The following SLC39A11 variants were observed in gnomAD, a reference collection of about 807,000 sequenced individuals.
SLC39A11 encodes the protein zinc transporter ZIP11.
Under a neutral mutation model 36.1 loss-of-function variants are expected in SLC39A11, and 33 were observed. The ratio of observed to expected loss-of-function variants is 0.91; its 90% CI spans 0.69 to 1.22. SLC39A11 has a LOEUF of 1.22. Ranked by LOEUF, SLC39A11 falls within the 50% of genes most tolerant of loss-of-function variation. The pLI, the probability that SLC39A11 is intolerant of heterozygous loss-of-function variation, is 0.00. For missense variants in SLC39A11, 432 were observed against 430.3 expected (o/e 1.00, Z -0.03); for synonymous variants, 166 against 170.3 (o/e 0.97, Z 0.20).
chr17:73,089,183 A>G (rs1320840443), intron 1 of SLC39A11, among the ~76,000 whole-genome samples: 1 of 152,042 alleles, frequency 6.6e-6, no homozygotes, highest in Non-Finnish European at 1.5e-5. Context: ...GCCTCCACCA[A>G]AGACAGGTGA....
chr17:72,862,330 G>A (rs898253179), intron 5 of SLC39A11, among the ~76,000 whole-genome samples: 8 of 152,184 alleles, frequency 5.3e-5, no homozygotes, highest in African/African-American at 1.2e-4. Flanking sequence ...CAAGAAAAAC[G>A]TTGGTTCTGA....
chr17:72,776,799 GTGGTT>G (rs1365899354), intron 6 of SLC39A11, among the ~76,000 whole-genome samples: 1 of 152,134 alleles, frequency 6.6e-6, no homozygotes, highest in African/African-American at 2.4e-5. Context: ...TAGAAAAATA[GTGGTT>G]TGGACAGCTG....
Position 73,067,254 on chromosome 17 carries a change from C to T in SLC39A11, c.147+17554G>A, listed in dbSNP as rs372783893. Among the ~76,000 whole-genome samples, 77 of 152,302 alleles carry T rather than the reference C, an allele frequency of 5.1e-4. No homozygotes were observed. In the South Asian group the frequency reaches 0.016, roughly 31 times the overall value. On this transcript the variant is annotated intron_variant, in intron 3 of 9. Transcript: ENST00000255559. ...GTGTCGCAGCATTCCTTGCAGCTAC[C>T]TTAGGTCATATGAATAAGTTGTGGC...
intron 3 of SLC39A11, among the ~76,000 whole-genome samples, chr17:73,051,212 C>A (rs1306482649): frequency 6.6e-6 from 1 of 152,104 alleles, no homozygotes; most frequent in South Asian, 2.1e-4. Flanking sequence ...AGTCACCCGG[C>A]CACCCTCACC....
At chr17:72,846,018 C>CTCT (rs2079035587) in intron 6 of SLC39A11, among the ~76,000 whole-genome samples, 1 of 57,952 alleles carries the variant, frequency 1.7e-5, no homozygotes, top group African/African-American at 8.5e-5. Context: ...CTCTCTCTCT[C>CTCT]TTTTTTTTTT....
At chr17:72,915,034 T>A (rs2083254930) in intron 5 of SLC39A11, among the ~76,000 whole-genome samples, 1 of 152,176 alleles carries the variant, frequency 6.6e-6, no homozygotes, top group Non-Finnish European at 1.5e-5. Context: ...TTCTTTTTAT[T>A]CATGGATGTT....
At chr17:72,760,717 G>A (rs773385155) in intron 6 of SLC39A11, among the ~76,000 whole-genome samples, 1 of 152,154 alleles carries the variant, frequency 6.6e-6, no homozygotes, top group Non-Finnish European at 1.5e-5. Flanking sequence ...AGATATTCAC[G>A]ACCAAGGAAG....
chr17:72,679,931 A>C (rs1415826145), intron 7 of SLC39A11, among the ~76,000 whole-genome samples: 2 of 150,864 alleles, frequency 1.3e-5, no homozygotes, highest in Non-Finnish European at 2.9e-5. Flanking sequence ...AGTCCCAGCT[A>C]CTTGGGAGGC....
intron 5 of SLC39A11, among the ~76,000 whole-genome samples, chr17:72,938,136 T>C (rs2147552706): frequency 6.6e-6 from 1 of 152,314 alleles, no homozygotes; most frequent in African/African-American, 2.4e-5. Context: ...AGCTATTTTC[T>C]TTCTCTGGAC....
chr17:72,905,769 T>C (rs1421007177), intron 5 of SLC39A11, among the ~76,000 whole-genome samples: 1 of 151,932 alleles, frequency 6.6e-6, no homozygotes, highest in East Asian at 1.9e-4. Flanking sequence ...TTTTTTTTTT[T>C]TTGAGACAGA....
At chr17:72,819,607 A>T (rs1429947425) in intron 6 of SLC39A11, among the ~76,000 whole-genome samples, 2 of 151,244 alleles carry the variant, frequency 1.3e-5, no homozygotes, top group African/African-American at 4.8e-5. Flanking sequence ...ACTCTCTGCA[A>T]AGCCCCTCTG....
chr17:73,047,966 CAAAA>C (rs1165334910), intron 3 of SLC39A11, among the ~76,000 whole-genome samples: 12 of 20,482 alleles, frequency 5.9e-4, no homozygotes, highest in African/African-American at 1.8e-3. Context: ...GACTCCATCT[CAAAA>C]AAAAAAAAAA....
chr17:72,871,973 A>G (rs536512009), intron 5 of SLC39A11, among the ~76,000 whole-genome samples: 1 of 152,324 alleles, frequency 6.6e-6, no homozygotes, highest in South Asian at 2.1e-4. Flanking sequence ...ATTCAATTGT[A>G]GGACACTCAG....
intron 6 of SLC39A11, among the ~76,000 whole-genome samples, chr17:72,809,225 C>CTCTCTCTT (rs1568127678): frequency 4.0e-5 from 6 of 150,922 alleles, no homozygotes; most frequent in African/African-American, 1.5e-4. Context: ...CTCTCTCTCT[C>CTCTCTCTT]TCTTTCTTTC....
At chr17:73,090,515 C>T (rs934302700) in intron 1 of SLC39A11, among the ~76,000 whole-genome samples, 45 of 152,334 alleles carry the variant, frequency 3.0e-4, no homozygotes, top group African/African-American at 1.0e-3. Flanking sequence ...ACCATTACAC[C>T]AATCATCTAT....
In SLC39A11 at chr17:73,007,142, G is replaced by A. The variant is rs1029004743; in HGVS notation, c.306+24414C>T. On this transcript the variant is annotated intron_variant, in intron 4 of 9. Coordinates refer to ENST00000255559, the MANE Select transcript of SLC39A11 (RefSeq NM_139177.4). ...GAGAGATTCAAAACCAAGACACAGG[G>A]CCGGGCGCAGTGGCTCACACCTGTA... is the stretch of plus-strand genomic sequence containing the variant. Among the ~76,000 whole-genome samples, 122 of 152,296 alleles carry A rather than the reference G, an allele frequency of 8.0e-4. 1 individual carries two copies. The highest frequency in any genetic ancestry group is 2.7e-3 in the African/African-American group (114 of 41,568).
At chr17:73,051,843 G>A (rs2143931376) in intron 3 of SLC39A11, among the ~76,000 whole-genome samples, 1 of 126,778 alleles carries the variant, frequency 7.9e-6, no homozygotes, top group African/African-American at 3.0e-5. Flanking sequence ...GGGTGACAAA[G>A]CGAGATTCCA....
rs531677529 is a variant in SLC39A11 at position 72,759,936 on chromosome 17, G to A, written c.602-23217C>T. Among the ~76,000 whole-genome samples, 228 of 152,316 alleles carry A rather than the reference G, an allele frequency of 1.5e-3. 2 individuals carry two copies. The highest frequency in any genetic ancestry group is 6.8e-3 in the Middle Eastern group (2 of 294). The stretch of plus-strand genomic sequence containing the variant: ...GGGGCCCCCTGCCTTGTGATACCCA[G>A]AGAAGTATTGGGTATGCAGATGTCC... On this transcript the variant is annotated intron_variant, in intron 6 of 9. Transcript: ENST00000255559.
chr17:72,894,122 G>A (rs917907138), intron 5 of SLC39A11, among the ~76,000 whole-genome samples: 3 of 152,060 alleles, frequency 2.0e-5, no homozygotes, highest in African/African-American at 4.8e-5. Context: ...AGCACTTTGG[G>A]AGGCTGAAGT....
Sources: allele counts gnomAD v4.1 joint callset (sites outside exome capture counted in the v4.1 genomes callset), GRCh38; gene constraint gnomAD v4.1.1; transcripts MANE v1.5; gene names NCBI Gene and HGNC (gene_info 2026-07-23, HGNC 2026-07-21).